The following BLTP3B variants were observed in gnomAD, a reference collection of about 807,000 sequenced individuals.
BLTP3B encodes bridge-like lipid transfer protein family member 3B, also known as UHRF1 (ICBP90) binding protein 1-like.
chr12:100,095,654 C>A, the BLTP3B span: 1 of 1,591,360 alleles, frequency 6.3e-7, no homozygotes, highest in Non-Finnish European at 8.5e-7. Context: ...TTCCTGTTAA[C>A]TTTATAGCTT....
the BLTP3B span, chr12:100,097,418 G>C: frequency 6.2e-7 from 1 of 1,613,470 alleles, no homozygotes; most frequent in Non-Finnish European, 8.5e-7. Context: ...AATCGAACAG[G>C]AGCACACATA....
At chr12:100,140,729 A>AAAAAT in the BLTP3B span, among the ~76,000 whole-genome samples, 145 of 61,468 alleles carry the variant, frequency 2.4e-3, 1 homozygote, top group African/African-American at 8.4e-3. Flanking sequence ...AAAAAAAAAA[A>AAAAAT]ATATATATAT....
chr12:100,095,341 T>C, the BLTP3B span, among the ~76,000 whole-genome samples: 1 of 152,224 alleles, frequency 6.6e-6, no homozygotes, highest in African/African-American at 2.4e-5. Flanking sequence ...TGCCTATAAT[T>C]ACCCAGGTTT....
chr12:100,066,254 A>T, the BLTP3B span, among the ~76,000 whole-genome samples: 1 of 152,200 alleles, frequency 6.6e-6, no homozygotes. Flanking sequence ...ACCTTAAAGG[A>T]ACAGCAGTTA....
the BLTP3B span, among the ~76,000 whole-genome samples, chr12:100,140,347 A>G: frequency 1.4e-5 from 2 of 141,492 alleles, no homozygotes; most frequent in South Asian, 2.2e-4. Context: ...CTCATCTCTG[A>G]AAAAAAAAAA....
chr12:100,126,833 T>C, the BLTP3B span, among the ~76,000 whole-genome samples: 4 of 152,216 alleles, frequency 2.6e-5, no homozygotes, highest in Non-Finnish European at 4.4e-5. Context: ...CAAATCTTAC[T>C]GATATCTACT....
chr12:100,097,039 C>A, the BLTP3B span, among the ~76,000 whole-genome samples: 2 of 151,928 alleles, frequency 1.3e-5, no homozygotes, highest in South Asian at 4.2e-4. Flanking sequence ...TTGATCATGC[C>A]ACTGTAATCA....
At chr12:100,061,992 G>C in the BLTP3B span, among the ~76,000 whole-genome samples, 4 of 152,108 alleles carry the variant, frequency 2.6e-5, no homozygotes, top group Admixed American at 2.6e-4. Context: ...TCACTGGGTG[G>C]GCCCTAGTCC....
At chr12:100,126,372 A>C in the BLTP3B span, among the ~76,000 whole-genome samples, 1 of 152,092 alleles carries the variant, frequency 6.6e-6, no homozygotes, top group Admixed American at 6.6e-5. Flanking sequence ...AAGCCAACGA[A>C]TATGGGTTTT....
the BLTP3B span, chr12:100,142,797 G>C: frequency 3.8e-6 from 4 of 1,045,964 alleles, no homozygotes; most frequent in Non-Finnish European, 5.3e-6. Flanking sequence ...AGCCGCCGCC[G>C]AGAACCCGGA....
chr12:100,138,369 C>G, the BLTP3B span, among the ~76,000 whole-genome samples: 1 of 152,166 alleles, frequency 6.6e-6, no homozygotes, highest in Admixed American at 6.5e-5. Context: ...AGCACAGAAC[C>G]CTAGCTCAAT....
chr12:100,071,788 GACA>G, the BLTP3B span, among the ~76,000 whole-genome samples: 3 of 152,070 alleles, frequency 2.0e-5, no homozygotes. Flanking sequence ...CAGCTAAAAG[GACA>G]ACTTCAGTTA....
At chr12:100,111,655 G>A in the BLTP3B span, among the ~76,000 whole-genome samples, 2 of 152,026 alleles carry the variant, frequency 1.3e-5, no homozygotes, top group Non-Finnish European at 2.9e-5. Context: ...ACCCAGGATG[G>A]AGTGCAGTGG....
chr12:100,112,404 G>A, the BLTP3B span, among the ~76,000 whole-genome samples: 3 of 152,196 alleles, frequency 2.0e-5, no homozygotes, highest in Non-Finnish European at 4.4e-5. Context: ...TTACTGAGGG[G>A]ACTGAGCTGG....
chr12:100,098,547 A>G, the BLTP3B span: 2 of 1,596,944 alleles, frequency 1.3e-6, no homozygotes, highest in Non-Finnish European at 1.7e-6. Context: ...ATTCACTGGA[A>G]AAACAAAGCA....
the BLTP3B span, chr12:100,047,813 CA>C: frequency 8.5e-7 from 1 of 1,174,600 alleles, no homozygotes. Context: ...CATCATTTAC[CA>C]AAAAAGACAA....
the BLTP3B span, chr12:100,057,755 A>G: frequency 3.2e-6 from 5 of 1,584,196 alleles, no homozygotes; most frequent in South Asian, 4.8e-5. Flanking sequence ...CACTGTTAAC[A>G]AAATTATTAG....
At chr12:100,044,510 C>T in the BLTP3B span, among the ~76,000 whole-genome samples, 1 of 152,192 alleles carries the variant, frequency 6.6e-6, no homozygotes, top group East Asian at 1.9e-4. Flanking sequence ...GCTCTTTCCA[C>T]TACTCACTAC....
the BLTP3B span, among the ~76,000 whole-genome samples, chr12:100,139,825 A>T: frequency 6.6e-6 from 1 of 152,232 alleles, no homozygotes; most frequent in Non-Finnish European, 1.5e-5. Flanking sequence ...AGAAATAAAT[A>T]TGTACGACAG....
Sources: gnomAD v4.1 joint callset for allele counts (sites outside exome capture counted in the v4.1 genomes callset) on GRCh38, gnomAD v4.1.1 for gene constraint, MANE v1.5 for transcripts, NCBI Gene and HGNC (gene_info 2026-07-23, HGNC 2026-07-21) for gene names.